Variants in GLIS3 observed in about 807,000 individuals in gnomAD.
GLIS3 encodes GLIS family zinc finger 3.
In GLIS3, 53 loss-of-function variants were observed where a neutral mutation model predicts 78.6. That is an observed-to-expected ratio of 0.67 (90% CI 0.54 to 0.85). The LOEUF (loss-of-function observed/expected upper bound fraction) is 0.85. GLIS3 is among the 40% of genes least tolerant of loss of function. The pLI is 0.00. For synonymous variants in GLIS3, 684 were observed against 509.9 expected (o/e 1.34, Z -4.60); for missense variants, 1,703 against 1,231.1 (o/e 1.38, Z -5.74).
At chr9:3,829,746 G>C (rs1435547577) in intron 9 of GLIS3, among the ~76,000 whole-genome samples, 2 of 152,238 alleles carry the variant, frequency 1.3e-5, no homozygotes, top group South Asian at 2.1e-4. Context: ...AAGTGGGAAG[G>C]CTTCTTACCT....
At chr9:4,179,288 G>C (rs1022996681) in intron 2 of GLIS3, among the ~76,000 whole-genome samples, 5 of 152,158 alleles carry the variant, frequency 3.3e-5, no homozygotes, top group African/African-American at 1.2e-4. Context: ...TCCCTGTGTC[G>C]AGGTTTGCCC....
At chr9:4,032,640 C>A (rs1823943575) in intron 4 of GLIS3, among the ~76,000 whole-genome samples, 1 of 152,058 alleles carries the variant, frequency 6.6e-6, no homozygotes, top group Non-Finnish European at 1.5e-5. Flanking sequence ...TGTCAAGTGA[C>A]AAAGGAATAA....
intron 2 of GLIS3, among the ~76,000 whole-genome samples, chr9:4,311,952 GAGA>G (rs75318613): frequency 0.36 from 54,315 of 151,828 alleles, 11,370 homozygotes; most frequent in East Asian, 0.57. Flanking sequence ...TGGACACAGA[GAGA>G]AGAACTACAG....
chr9:4,271,827 G>C (rs1380667191), intron 2 of GLIS3, among the ~76,000 whole-genome samples: 1 of 152,152 alleles, frequency 6.6e-6, no homozygotes. Context: ...ACAGTACATA[G>C]TAAGATGTTT....
At chr9:4,480,347 G>A in the GLIS3 span, among the ~76,000 whole-genome samples, 2 of 151,852 alleles carry the variant, frequency 1.3e-5, no homozygotes, top group African/African-American at 4.8e-5. Flanking sequence ...TGGGCCTACA[G>A]GCATGTGCCA....
chr9:3,894,848 C>T (rs1352030325), intron 7 of GLIS3, among the ~76,000 whole-genome samples: 3 of 152,098 alleles, frequency 2.0e-5, no homozygotes. Flanking sequence ...TTCCCTTCTT[C>T]TCGTAGATTT....
chr9:4,048,804 C>T (rs180819730), intron 4 of GLIS3, among the ~76,000 whole-genome samples: 2 of 152,312 alleles, frequency 1.3e-5, no homozygotes, highest in Admixed American at 1.3e-4. Flanking sequence ...GTTAGGATTC[C>T]TGCACAAATA....
In GLIS3 at chr9:4,334,904, CTTTT is replaced by C. The variant is rs56017714; in HGVS notation, n.264+12173_264+12176del. Among the ~76,000 whole-genome samples, 655 of 107,016 alleles carry C rather than the reference CTTTT, an allele frequency of 6.1e-3. 3 individuals carry two copies. The highest frequency in any genetic ancestry group is 0.013 in the Middle Eastern group (2 of 150). The allele number at this position is 107,016 out of a possible 152,430, so 70.2% of individuals were successfully genotyped here. The stretch of plus-strand genomic sequence containing the variant: ...CTCTCAGAAGAGAAATCATTTCCAC[CTTTT>C]TTTTTTTTTTTTTTTTTTGAAACGG... On this transcript the variant is annotated intron_variant and non_coding_transcript_variant, in intron 2 of 4. Coordinates refer to the GLIS3 transcript ENST00000471664.
At chr9:3,952,268 A>T (rs919713535) in intron 4 of GLIS3, among the ~76,000 whole-genome samples, 1 of 152,074 alleles carries the variant, frequency 6.6e-6, no homozygotes, top group African/African-American at 2.4e-5. Flanking sequence ...ACACAGGTTT[A>T]CTTCTTGGTC....
the GLIS3 span, among the ~76,000 whole-genome samples, chr9:4,405,494 T>C: frequency 1.3e-5 from 2 of 152,158 alleles, no homozygotes; most frequent in Admixed American, 6.5e-5. Flanking sequence ...GATAAATTCC[T>C]ACGCATATAC....
the GLIS3 span, among the ~76,000 whole-genome samples, chr9:4,467,697 G>A: frequency 6.6e-6 from 1 of 152,180 alleles, no homozygotes; most frequent in African/African-American, 2.4e-5. Context: ...AAACAGAAAA[G>A]CTGAAAATTC....
At chr9:4,353,296 A>G (rs1385348651), upstream of GLIS3, among the ~76,000 whole-genome samples, 2 of 152,104 alleles carry the variant, frequency 1.3e-5, no homozygotes, top group Non-Finnish European at 2.9e-5. Context: ...CAAAGACTCC[A>G]CTGTCTTTTT....
At chr9:4,250,633 T>TTA (rs1233700757) in intron 2 of GLIS3, among the ~76,000 whole-genome samples, 1 of 152,200 alleles carries the variant, frequency 6.6e-6, no homozygotes, top group Non-Finnish European at 1.5e-5. Context: ...CTGATCTTAG[T>TTA]TATTTCTTGT....
Position 4,117,671 on chromosome 9 carries a change from G to A in GLIS3, c.1710+97C>T, listed in dbSNP as rs546837442. ...ATCTCATGGATACCTAGACCCCCAC[G>A]CATGCAAACTCCATGGGCCGAGTTA... On this transcript the variant is annotated intron_variant, in intron 4 of 10. Transcript: ENST00000381971. 5.0e-5 allele frequency: 68 copies of A among 1,348,960 alleles called. 1 individual carries two copies. In the African/African-American group the frequency reaches 9.0e-4, roughly 18 times the overall value. 83.6% of individuals were successfully genotyped at this position (1,348,960 alleles called of 1,614,324 possible).
chr9:4,378,425 T>A, the GLIS3 span, among the ~76,000 whole-genome samples: 5 of 152,126 alleles, frequency 3.3e-5, no homozygotes, highest in Non-Finnish European at 7.3e-5. Flanking sequence ...TGTTTGTTTA[T>A]ATTTTTTTCT....
chr9:4,448,720 A>T, the GLIS3 span, among the ~76,000 whole-genome samples: 5 of 152,164 alleles, frequency 3.3e-5, no homozygotes, highest in South Asian at 4.1e-4. Flanking sequence ...GAAAATCATT[A>T]TGTCCTTTTG....
intron 6 of GLIS3, among the ~76,000 whole-genome samples, chr9:3,930,991 T>C (rs72685639): frequency 1.3e-5 from 2 of 152,290 alleles, no homozygotes; most frequent in Non-Finnish European, 2.9e-5. Context: ...CTAACTTTAT[T>C]TACATTATTA....
At chr9:4,257,583 T>TTGTTGTTGTTGTTGTTG (rs1190878328) in intron 2 of GLIS3, among the ~76,000 whole-genome samples, 1 of 37,880 alleles carries the variant, frequency 2.6e-5, no homozygotes, top group East Asian at 7.1e-3. Context: ...GTTGTTGTTG[T>TTGTTGTTGTTGTTGTTG]TATTTTTTGA....
intron 2 of GLIS3, among the ~76,000 whole-genome samples, chr9:4,191,282 G>C (rs181618004): frequency 4.4e-4 from 67 of 152,218 alleles, no homozygotes; most frequent in African/African-American, 1.6e-3. Context: ...CTGTATTTAG[G>C]AGTTTTCTTC....
Sources: allele counts gnomAD v4.1 joint callset (sites outside exome capture counted in the v4.1 genomes callset), GRCh38; gene constraint gnomAD v4.1.1; transcripts MANE v1.5; gene names NCBI Gene and HGNC (gene_info 2026-07-23, HGNC 2026-07-21).